The following CAMTA1 variants were observed in gnomAD, a reference collection of about 807,000 sequenced individuals.
CAMTA1 encodes the protein calmodulin binding transcription activator 1, also known as calmodulin-binding transcription activator 1.
In CAMTA1, 27 loss-of-function variants were observed where a neutral mutation model predicts 170.9. The ratio of observed to expected loss-of-function variants is 0.16; its 90% CI spans 0.12 to 0.22. The LOEUF (loss-of-function observed/expected upper bound fraction) is 0.22. Ranked by LOEUF, CAMTA1 falls within the 10% of genes least tolerant of loss-of-function variation. CAMTA1 has a pLI of 1.00. For synonymous variants in CAMTA1, 833 were observed against 891.5 expected (o/e 0.93, Z 1.17); for missense variants, 1,619 against 2,217.2 (o/e 0.73, Z 5.42).
chr1:7,653,915 T>C (rs2095863018), intron 7 of CAMTA1, among the ~76,000 whole-genome samples: 1 of 152,188 alleles, frequency 6.6e-6, no homozygotes, highest in Admixed American at 6.5e-5. Context: ...GTGATTTCTA[T>C]ACCCATAGTT....
At chr1:7,102,023 AACACACACACACACACACAC>A (rs57209159) in intron 4 of CAMTA1, among the ~76,000 whole-genome samples, 349 of 148,708 alleles carry the variant, frequency 2.3e-3, no homozygotes, top group African/African-American at 3.6e-3. Flanking sequence ...ATAAATACAC[AACACACACACACACACACAC>A]ACACACACAC....
rs1215496978 is a variant in CAMTA1 at position 7,736,789 on chromosome 1, C to T, written c.3264-142C>T. 1.2e-5 allele frequency: 9 copies of T among 741,930 alleles called. No homozygotes were observed. Among genetic ancestry groups the T allele is most frequent in the South Asian group, 5.3e-5 (3 of 56,122 alleles). The allele number at this position is 741,930 out of a possible 1,614,324, so 46.0% of individuals were successfully genotyped here. A position where few individuals can be genotyped will look rare whatever the true frequency, so the allele number is the denominator to read the frequency against. ...GACCCCTAGCCAAATGGAGCGTCCA[C>T]ACTGCCCTGGGACTCTGTTTCTTCA... On this transcript the variant is annotated intron_variant, in intron 13 of 22. Coordinates refer to ENST00000303635, the MANE Select transcript of CAMTA1 (RefSeq NM_015215.4). The surrounding 1 kb of genome is among the most constrained non-coding windows in gnomAD (Gnocchi z 4.5).
At chr1:7,520,223 C>T (rs1417944121) in intron 6 of CAMTA1, among the ~76,000 whole-genome samples, 6 of 35,020 alleles carry the variant, frequency 1.7e-4, no homozygotes, top group South Asian at 1.4e-3. Flanking sequence ...CCTCCTCCTC[C>T]TCCTCCCTCC....
intron 3 of CAMTA1, among the ~76,000 whole-genome samples, chr1:7,058,108 A>C (rs1440052750): frequency 4.6e-5 from 7 of 152,178 alleles, no homozygotes; most frequent in African/African-American, 1.7e-4. Flanking sequence ...CTCACACCAG[A>C]TGGCTATGGC....
chr1:7,292,284 T>C (rs1028117164), intron 5 of CAMTA1, among the ~76,000 whole-genome samples: 6 of 152,090 alleles, frequency 3.9e-5, no homozygotes, highest in Admixed American at 6.5e-5. Context: ...TACTCTTACG[T>C]CCTGGCAGTT....
chr1:6,944,120 A>G (rs1687187221), intron 3 of CAMTA1, among the ~76,000 whole-genome samples: 1 of 152,114 alleles, frequency 6.6e-6, no homozygotes. Flanking sequence ...GGAACCATAC[A>G]GTATTTGTCC....
At chr1:6,798,518 C>T (rs1014052262) in intron 1 of CAMTA1, among the ~76,000 whole-genome samples, 4 of 151,696 alleles carry the variant, frequency 2.6e-5, no homozygotes, top group African/African-American at 2.4e-5. Context: ...CTCGAGTTCA[C>T]GCCATTCTCC....
intron 5 of CAMTA1, among the ~76,000 whole-genome samples, chr1:7,447,821 T>A (rs1257601493): frequency 6.6e-6 from 1 of 152,224 alleles, no homozygotes; most frequent in Non-Finnish European, 1.5e-5. Context: ...CCATGAGCAT[T>A]CCAGGTGGGC....
intron 4 of CAMTA1, among the ~76,000 whole-genome samples, chr1:7,240,094 C>G (rs938533434): frequency 2.0e-5 from 3 of 152,170 alleles, no homozygotes; most frequent in Non-Finnish European, 4.4e-5. Flanking sequence ...AGGACATGTA[C>G]TATCTGGTTG....
intron 3 of CAMTA1, among the ~76,000 whole-genome samples, chr1:6,899,509 C>T (rs1209707052): frequency 2.6e-5 from 4 of 151,726 alleles, no homozygotes; most frequent in African/African-American, 9.7e-5. Flanking sequence ...TTGAGAGTTA[C>T]TTCGCTGTTA....
At chr1:6,923,274 G>T (rs1486381425) in intron 3 of CAMTA1, among the ~76,000 whole-genome samples, 1 of 152,158 alleles carries the variant, frequency 6.6e-6, no homozygotes, top group African/African-American at 2.4e-5. Context: ...GTCCCAGTTT[G>T]CACTCCTGAG....
chr1:7,257,393 A>T (rs943392602), intron 5 of CAMTA1, among the ~76,000 whole-genome samples: 1 of 152,224 alleles, frequency 6.6e-6, no homozygotes, highest in Admixed American at 6.5e-5. Context: ...AACACACTGC[A>T]TAACTGGCTG....
intron 3 of CAMTA1, among the ~76,000 whole-genome samples, chr1:6,885,396 A>T (rs1342818178): frequency 2.0e-5 from 3 of 152,236 alleles, no homozygotes; most frequent in South Asian, 2.1e-4. Context: ...TCTGACATTT[A>T]AAAAATTATT....
chr1:6,913,884 T>G (rs1680220029), intron 3 of CAMTA1, among the ~76,000 whole-genome samples: 1 of 152,026 alleles, frequency 6.6e-6, no homozygotes, highest in South Asian at 2.1e-4. Context: ...ATGATGAATT[T>G]GGAGGCAAAT....
intron 3 of CAMTA1, among the ~76,000 whole-genome samples, chr1:6,974,754 C>T (rs1490120464): frequency 2.0e-5 from 3 of 152,244 alleles, no homozygotes; most frequent in Non-Finnish European, 2.9e-5. Flanking sequence ...TTGGCAAAGA[C>T]GCATTGCATT....
intron 3 of CAMTA1, among the ~76,000 whole-genome samples, chr1:6,860,136 G>A (rs1664103597): frequency 6.6e-6 from 1 of 151,898 alleles, no homozygotes; most frequent in African/African-American, 2.4e-5. Context: ...TTAGTCATCT[G>A]TATTTCAGTC....
intron 4 of CAMTA1, among the ~76,000 whole-genome samples, chr1:7,163,124 G>T (rs1218250619): frequency 3.3e-5 from 5 of 151,984 alleles, no homozygotes; most frequent in Admixed American, 1.3e-4. Context: ...GAATGATGGG[G>T]AGTGAATAAA....
intron 4 of CAMTA1, among the ~76,000 whole-genome samples, chr1:7,187,330 A>G (rs1404032192): frequency 6.6e-6 from 1 of 152,196 alleles, no homozygotes; most frequent in African/African-American, 2.4e-5. Context: ...AAGGATTGCC[A>G]ACTGCTGTTT....
chr1:7,490,838 T>C (rs1193231), intron 6 of CAMTA1, among the ~76,000 whole-genome samples: 105,251 of 152,024 alleles, frequency 0.69, 38,058 homozygotes, highest in African/African-American at 0.91. Context: ...GGAGGTGCTT[T>C]CCTCTCTCAG....
Sources: gnomAD v4.1 joint callset for allele counts (sites outside exome capture counted in the v4.1 genomes callset) on GRCh38, gnomAD v4.1.1 for gene constraint, Gnocchi (gnomAD v3.1) non-coding constraint, MANE v1.5 for transcripts, NCBI Gene and HGNC (gene_info 2026-07-23, HGNC 2026-07-21) for gene names.